The following TG variants were observed in gnomAD, a reference collection of about 807,000 sequenced individuals.
TG encodes the protein thyroid hormones.
In TG, 270 loss-of-function variants were observed where a neutral mutation model predicts 324.7. The ratio of observed to expected loss-of-function variants is 0.83; its 90% CI spans 0.75 to 0.92. The LOEUF is 0.92. Among genes scored for constraint, TG ranks in the 40% least tolerant of loss-of-function variants. The pLI is 0.00. For synonymous variants in TG, 1,401 were observed against 1,327.0 expected (o/e 1.06, Z -1.21); for missense variants, 3,591 against 3,456.4 (o/e 1.04, Z -0.98).
intron 41 of TG, chr8:133,044,861 A>G: frequency 3.3e-6 from 3 of 909,578 alleles, no homozygotes; most frequent in Non-Finnish European, 5.3e-6. Context: ...ACGAGAGAGC[A>G]TATCATGAAG....
intron 41 of TG, chr8:133,047,688 G>C (rs1265206714): frequency 1.5e-6 from 1 of 680,314 alleles, no homozygotes; most frequent in African/African-American, 1.8e-5. Context: ...CCAGCAGCGT[G>C]TGGGCTGCAG....
chr8:133,009,706 C>G (rs1185203815), intron 35 of TG, among the ~76,000 whole-genome samples: 1 of 151,746 alleles, frequency 6.6e-6, no homozygotes, highest in African/African-American at 2.4e-5. Flanking sequence ...CTAAAAGAGG[C>G]AACAGAGGGC....
At chr8:133,076,014 G>A (rs200142762) in intron 41 of TG, 18 of 152,090 alleles carry the variant, frequency 1.2e-4, no homozygotes, top group Admixed American at 3.3e-4. Flanking sequence ...CTTACAGTAC[G>A]TGAGTCTCAA....
chr8:133,115,379 TCCTGTCCCTGTCCTGCTCACAATG>T (rs1850594700), intron 44 of TG, among the ~76,000 whole-genome samples: 1 of 152,150 alleles, frequency 6.6e-6, no homozygotes, highest in Non-Finnish European at 1.5e-5. Context: ...ATAGGTTTGA[TCCTGTCCCTGTCCTGCTCACAATG>T]CCTCAGGGTG....
chr8:132,981,706 C>T (rs777558272), intron 34 of TG, among the ~76,000 whole-genome samples: 10 of 152,222 alleles, frequency 6.6e-5, no homozygotes, highest in Non-Finnish European at 1.5e-4. Context: ...CCCAGACCTG[C>T]GGAATCAGAC....
chr8:132,926,165 G>C (rs184665290), intron 22 of TG, among the ~76,000 whole-genome samples: 44 of 152,258 alleles, frequency 2.9e-4, no homozygotes, highest in Admixed American at 2.9e-3. Flanking sequence ...TGTCCTTCAG[G>C]CTAGGTCCTT....
At chr8:132,899,761 G>A (rs1168814554) in intron 14 of TG, among the ~76,000 whole-genome samples, 1 of 152,218 alleles carries the variant, frequency 6.6e-6, no homozygotes, top group African/African-American at 2.4e-5. Flanking sequence ...ATGTCCGATG[G>A]TGGGAGAAGG....
At chr8:133,117,806 T>G (rs749127263) in intron 45 of TG, among the ~76,000 whole-genome samples, 4 of 152,240 alleles carry the variant, frequency 2.6e-5, no homozygotes, top group Admixed American at 6.5e-5. Flanking sequence ...GTCTATTTTA[T>G]GGGCAACAGG....
In TG at chr8:133,134,666, T is replaced by C; in HGVS notation, c.8189-10T>C. ...GGCTTGGACCAACCTTCCTTGCCCC[T>C]CTGTTTCAGATGGAGCCAAGGGCGG... On this transcript the variant is annotated splice_polypyrimidine_tract_variant and intron_variant, in intron 47 of 47. Coordinates refer to ENST00000220616, the MANE Select transcript of TG (RefSeq NM_003235.5). 6.2e-7 allele frequency: 1 copy of C among 1,612,854 alleles called. No individual in the cohort carries two copies. Among genetic ancestry groups the C allele is most frequent in the Non-Finnish European group, 8.5e-7 (1 of 1,178,958 alleles).
chr8:132,888,107 G>A lies in TG; in HGVS notation c.2300G>A (p.Gly767Glu). ...TACATCCCACAGTGCAGCACCGATG[G>A]GCAGTGGAGACAAGTGCAATGCAAT... ...DTYIPQCSTD[G>E]QWRQVQCNGP... Residue 767 changes from glycine to glutamate, a missense_variant, in exon 10 of 48, where the codon GGG becomes GAG. Coordinates refer to ENST00000220616, the MANE Select transcript of TG (RefSeq NM_003235.5). 6.2e-7 allele frequency: 1 copy of A among 1,614,070 alleles called. No homozygotes were observed. Among genetic ancestry groups the A allele is most frequent in the East Asian group, 2.2e-5 (1 of 44,872 alleles).
rs149957450 is a variant in TG at position 133,061,979 on chromosome 8, C to A, written c.7239+31956C>A. The stretch of plus-strand genomic sequence containing the variant: ...ATATCTTAGACATTTACATGAACAA[C>A]TTGTCACTTACTGCTCAAGCTAATG... On this transcript the variant is annotated intron_variant, in intron 41 of 47. Coordinates refer to ENST00000220616, the MANE Select transcript of TG (RefSeq NM_003235.5). Among the ~76,000 whole-genome samples, 16 of 152,346 alleles carry A rather than the reference C, an allele frequency of 1.1e-4. No homozygotes were observed. The East Asian group carries it at 1.2e-3, about 11-fold the overall frequency.
chr8:132,905,336 A>G (rs1458000657), intron 16 of TG, among the ~76,000 whole-genome samples: 1 of 152,138 alleles, frequency 6.6e-6, no homozygotes. Context: ...GTGAAAGACA[A>G]CTCAAGGAGC....
At position 132,923,376 on chromosome 8, in the gene TG, T is replaced by C; in HGVS notation, c.4567T>C (p.Cys1523Arg). 6.2e-7 allele frequency: 1 copy of C among 1,614,044 alleles called. No individual in the cohort carries two copies. The highest frequency in any genetic ancestry group is 8.5e-7 in the Non-Finnish European group (1 of 1,179,994). The stretch of plus-strand genomic sequence containing the variant: ...TCAGAGGAACGAAGCAGGCCTGCAA[T>C]GTGACCAGAATGGCCAGTATCGAGC... ...DCQRNEAGLQ[C>R]DQNGQYRASQ... is the part of the protein sequence containing the mutation. Residue 1523 changes from cysteine to arginine, a missense_variant, in exon 22 of 48, where the codon TGT becomes CGT. By Grantham distance (180) the Cys-to-Arg change is radical (BLOSUM62 -3). Coordinates refer to ENST00000220616, the MANE Select transcript of TG (RefSeq NM_003235.5).
chr8:133,096,769 C>G (rs1263438343), intron 43 of TG, among the ~76,000 whole-genome samples: 1 of 152,156 alleles, frequency 6.6e-6, no homozygotes, highest in Non-Finnish European at 1.5e-5. Context: ...TCACCCTTTC[C>G]CAATCCTGAA....
rs746065022 is a variant in TG at position 132,893,765 on chromosome 8, C to T, written c.2837C>T (p.Ser946Phe). ...GAAACGGAAGAGATTGTTTCAGCTT[C>T]CAACAGTTCTCGGTTCCCTCTGGGG... The part of the protein sequence containing the change: ...IRETEEIVSA[S>F]NSSRFPLGES... The change falls in exon 11 of 48, where the codon TCC becomes TTC. Residue 946 changes from serine (S) to phenylalanine (F), a missense_variant. Coordinates refer to ENST00000220616, the MANE Select transcript of TG (RefSeq NM_003235.5). 4.9e-5 allele frequency: 79 copies of T among 1,613,848 alleles called. No homozygotes were observed. The highest frequency in any genetic ancestry group is 5.6e-5 in the Non-Finnish European group (66 of 1,179,910).
At position 132,949,067 on chromosome 8, in the gene TG, A is replaced by C. The variant is rs1016187638; in HGVS notation, c.5401+124A>C. Reference sequence around the variant, plus strand: ...GCTTATACTTCTGAAAAAAAAAAAAAAACTTTACCAATCATACTGGATGGA... The same window carrying C: ...GCTTATACTTCTGAAAAAAAAAAAACAACTTTACCAATCATACTGGATGGA... On this transcript the variant is annotated intron_variant, in intron 27 of 47. Transcript: ENST00000220616. 3.1e-5 allele frequency: 28 copies of C among 903,690 alleles called. No individual in the cohort carries two copies. The East Asian group carries it at 3.9e-4, about 12-fold the overall frequency. The allele number at this position is 903,690 out of a possible 1,614,324, so 56.0% of individuals were successfully genotyped here. A position where few individuals can be genotyped will look rare whatever the true frequency, so the allele number is the denominator to read the frequency against.
chr8:133,013,877 G>A (rs1248819169), intron 37 of TG, 113 bp downstream of exon 37: 2 of 1,348,308 alleles, frequency 1.5e-6, no homozygotes, highest in African/African-American at 1.4e-5. Context: ...CAAAGTTCTG[G>A]GCTAGGTGGC....
chr8:133,097,450 A>T (rs956263907), intron 43 of TG, among the ~76,000 whole-genome samples: 4 of 152,258 alleles, frequency 2.6e-5, no homozygotes, highest in African/African-American at 9.6e-5. Context: ...TGACTAAATT[A>T]AGATACAAAC....
At chr8:133,076,832 A>ACAGAGAC (rs1468682405) in intron 41 of TG, 4 of 151,908 alleles carry the variant, frequency 2.6e-5, no homozygotes, top group African/African-American at 9.7e-5. Flanking sequence ...AAAGGGGACT[A>ACAGAGAC]CAGAGACATG....
Sources: allele counts gnomAD v4.1 joint callset (sites outside exome capture counted in the v4.1 genomes callset), GRCh38; gene constraint gnomAD v4.1.1; transcripts MANE v1.5; gene names NCBI Gene and HGNC (gene_info 2026-07-23, HGNC 2026-07-21).